ERLEC1: variants seen among roughly 807,000 people sequenced by gnomAD.
The protein encoded by ERLEC1 is ER lectin.
A neutral mutation model predicts 68.0 loss-of-function variants in ERLEC1; 47 were observed. That is an observed-to-expected ratio of 0.69 (90% CI 0.55 to 0.88). ERLEC1 has a LOEUF of 0.88. Among genes scored for constraint, ERLEC1 ranks in the 40% least tolerant of loss-of-function variants. The pLI is 0.00. For missense variants in ERLEC1, 567 were observed against 583.8 expected (o/e 0.97, Z 0.30); for synonymous variants, 225 against 203.2 (o/e 1.11, Z -0.91).
chr2:53,814,616 C>CT lies in ERLEC1; in HGVS notation c.1301dup (p.Cys436ValfsTer27), dbSNP rs752539512. On this transcript the variant is annotated frameshift_variant, in exon 12 of 14. Coordinates refer to ENST00000185150, the MANE Select transcript of ERLEC1 (RefSeq NM_015701.5). LOFTEE classifies it high-confidence loss of function. ...CAAACCAAGACAGGTGACTGTAAAA[C>CT]TAAAGTAAGTTAGACCATCAAATCA... 4 of 1,607,980 alleles carry CT rather than the reference C, an allele frequency of 2.5e-6. No homozygotes were observed. Among genetic ancestry groups the CT allele is most frequent in the Non-Finnish European group, 3.4e-6 (4 of 1,175,678 alleles).
intron 8 of ERLEC1, among the ~76,000 whole-genome samples, chr2:53,807,146 C>T (rs1344431772): frequency 1.3e-5 from 2 of 152,194 alleles, no homozygotes; most frequent in Admixed American, 6.5e-5. Context: ...TAGTTTTCTA[C>T]CATATAGCAC....
chr2:53,795,825 C>T, intron 2 of ERLEC1, 108 bp from the exon 3 acceptor site: 9 of 707,192 alleles, frequency 1.3e-5, no homozygotes, highest in Middle Eastern at 2.8e-4. Context: ...TTTTTTTTCT[C>T]TTTTATTTCT....
rs778418768 is a variant in ERLEC1, at chr2:53,808,351, T to C, written c.932T>C (p.Ile311Thr). The C allele has an allele frequency of 5.6e-6, 9 of 1,614,048 alleles. No individual in the cohort carries two copies. Among genetic ancestry groups the C allele is most frequent in the South Asian group, 2.2e-5 (2 of 91,070 alleles). ...EERFPAIHKS[I>T]AIGSQPVLTV... ...AGATTTCCAGCGATCCACAAGTCGA[T>C]TGCTATTGGCTCTCAGCCAGTGCTC... Residue 311 changes from isoleucine to threonine, a missense_variant, in exon 9 of 14, where the codon ATT becomes ACT. Transcript: ENST00000185150.
chr2:53,817,121 T>C (rs527641475), intron 13 of ERLEC1, among the ~76,000 whole-genome samples: 1 of 145,318 alleles, frequency 6.9e-6, no homozygotes, highest in South Asian at 2.3e-4. Flanking sequence ...TTTGTTGTTG[T>C]TGTTTTTTAT....
chr2:53,801,303 GT>G (rs1675988852), intron 6 of ERLEC1, 93 bp from the exon 7 acceptor site: 2 of 800,500 alleles, frequency 2.5e-6, no homozygotes, highest in South Asian at 1.8e-5. Context: ...GTAAAATGTA[GT>G]TTTCTTCCTT....
At chr2:53,808,764 C>A (rs1035933423) in intron 9 of ERLEC1, among the ~76,000 whole-genome samples, 2 of 152,120 alleles carry the variant, frequency 1.3e-5, no homozygotes, top group Admixed American at 6.5e-5. Flanking sequence ...GGTTATGTAG[C>A]AATCACATTT....
At chr2:53,810,716 A>G (rs1424740618) in intron 10 of ERLEC1, among the ~76,000 whole-genome samples, 3 of 152,230 alleles carry the variant, frequency 2.0e-5, no homozygotes, top group Non-Finnish European at 4.4e-5. Flanking sequence ...TAAATCTTCC[A>G]AAATGAATGA....
chr2:53,803,624 G>A (rs910709466), intron 8 of ERLEC1, among the ~76,000 whole-genome samples: 4 of 151,146 alleles, frequency 2.6e-5, no homozygotes, highest in African/African-American at 2.4e-5. Flanking sequence ...TTCAGCCAGT[G>A]ATATAAAAGT....
At chr2:53,813,564 T>G (rs1312421947) in intron 11 of ERLEC1, among the ~76,000 whole-genome samples, 1 of 152,230 alleles carries the variant, frequency 6.6e-6, no homozygotes, top group Non-Finnish European at 1.5e-5. Context: ...TTTTAGGATA[T>G]ATGAGTATAC....
chr2:53,799,025 C>T lies in ERLEC1; in HGVS notation c.491-22C>T, dbSNP rs375609417. ...CACATATGTCACTGCTCATTCTTTA[C>T]ACTTACCTTATTATTCCACAGAACG... On this transcript the variant is annotated intron_variant, in intron 5 of 13. Transcript: ENST00000185150. 1,504 of 1,610,564 alleles carry T rather than the reference C, an allele frequency of 9.3e-4. 21 individuals are homozygous for T. In the South Asian group the frequency reaches 0.012, roughly 12 times the overall value.
At chr2:53,794,614 A>C (rs1384319656) in intron 2 of ERLEC1, among the ~76,000 whole-genome samples, 165 bp downstream of exon 2, 2 of 152,072 alleles carry the variant, frequency 1.3e-5, no homozygotes, top group Non-Finnish European at 2.9e-5. Context: ...TTGATTTTGC[A>C]GTTTATCTTG....
chr2:53,797,876 T>G, intron 5 of ERLEC1, 81 bp downstream of exon 5: 1 of 1,280,532 alleles, frequency 7.8e-7, no homozygotes, highest in Non-Finnish European at 1.1e-6. Context: ...TACGAGATTT[T>G]TTTTTTGGAC....
At chr2:53,804,764 T>A (rs970286773) in intron 8 of ERLEC1, among the ~76,000 whole-genome samples, 2 of 152,116 alleles carry the variant, frequency 1.3e-5, no homozygotes, top group African/African-American at 4.8e-5. Flanking sequence ...TAAGAGGTTT[T>A]TTTTGTACCC....
intron 1 of ERLEC1, among the ~76,000 whole-genome samples, chr2:53,793,005 C>CAAA (rs58494548): frequency 7.8e-6 from 1 of 127,740 alleles, no homozygotes; most frequent in Admixed American, 7.9e-5. Context: ...GACCCTGTCT[C>CAAA]AAAAAAAAAA....
At position 53,801,821 on chromosome 2, in the gene ERLEC1, G is replaced by C; in HGVS notation, c.858G>C (p.Val286=). The C allele has an allele frequency of 6.2e-7, 1 of 1,613,714 alleles. No homozygotes were observed. The highest frequency in any genetic ancestry group is 8.5e-7 in the Non-Finnish European group (1 of 1,179,788). Residue 286 remains valine (V), a synonymous_variant, in exon 8 of 14, where the codon GTG becomes GTC. Transcript: ENST00000185150. ...QLEQQEEILR[V]PFRRNKEEDL... is the part of the protein sequence containing the mutation. ...AGCAGCAGGAAGAAATACTAAGGGT[G>C]CCTTTTAGGAGAAATAAAGAGGTAT...
In ERLEC1 at chr2:53,801,593, C is replaced by G. The variant is rs1676006551; in HGVS notation, c.722C>G (p.Pro241Arg). The G allele has an allele frequency of 6.2e-7, 1 of 1,613,832 alleles. No individual in the cohort carries two copies. The highest frequency in any genetic ancestry group is 1.3e-5 in the African/African-American group (1 of 74,888). ...GAATATGAAGTTGTCATTTTGACAC[C>G]ACTCTTGTGCAGTCATCCTAAATAT... ...TCEYEVVILT[P>R]LLCSHPKYRF... Residue 241 changes from proline (P) to arginine (R), a missense_variant, in exon 7 of 14, where the codon CCA (proline) becomes CGA (arginine). By Grantham distance (103) the Pro-to-Arg change is moderately radical. Transcript: ENST00000185150.
At chr2:53,796,622 AT>A (rs953377875) in intron 3 of ERLEC1, among the ~76,000 whole-genome samples, 3 of 151,640 alleles carry the variant, frequency 2.0e-5, no homozygotes, top group Non-Finnish European at 4.4e-5. Flanking sequence ...TAATTTTTGT[AT>A]TTTTTATAAA....
intron 11 of ERLEC1, among the ~76,000 whole-genome samples, chr2:53,813,553 CTT>C (rs1205097304): frequency 6.6e-6 from 1 of 152,136 alleles, no homozygotes; most frequent in African/African-American, 2.4e-5. Context: ...CCTCACATCT[CTT>C]TTAGGATATA....
chr2:53,798,055 C>T (rs1251427900), intron 5 of ERLEC1, among the ~76,000 whole-genome samples: 2 of 152,044 alleles, frequency 1.3e-5, no homozygotes, highest in East Asian at 2.0e-4. Flanking sequence ...ATTAGCCGGG[C>T]GTGGTGGCAG....
Sources: allele counts gnomAD v4.1 joint callset (sites outside exome capture counted in the v4.1 genomes callset), GRCh38; gene constraint gnomAD v4.1.1; transcripts MANE v1.5; gene names NCBI Gene and HGNC (gene_info 2026-07-23, HGNC 2026-07-21).